Variants in DHRSX observed in about 807,000 individuals in gnomAD.
DHRSX encodes the protein dehydrogenase/reductase X-linked, also known as polyprenol dehydrogenase.
In DHRSX, 31 loss-of-function variants were observed where a neutral mutation model predicts 34.0. The observed-to-expected ratio is 0.91, with a 90% confidence interval of 0.69 to 1.23. DHRSX has a LOEUF of 1.23. Ranked by LOEUF, DHRSX falls within the 50% of genes most tolerant of loss-of-function variation. The pLI, the probability that DHRSX is intolerant of heterozygous loss-of-function variation, is 0.00. For synonymous variants in DHRSX, 201 were observed against 183.8 expected (o/e 1.09, Z -0.76); for missense variants, 414 against 428.1 (o/e 0.97, Z 0.29).
chrX:2,336,874 TAA>T (rs889167166), intron 3 of DHRSX, among the ~76,000 whole-genome samples: 20 of 152,210 alleles, frequency 1.3e-4, no homozygotes, highest in African/African-American at 3.8e-4. Flanking sequence ...TATTTTACTT[TAA>T]GTTGCAAGAT....
chrX:2,497,634 G>A (rs1422210799), intron 1 of DHRSX, among the ~76,000 whole-genome samples: 1 of 152,174 alleles, frequency 6.6e-6, no homozygotes. Flanking sequence ...CCCAGAAAGT[G>A]AAGGAATATT....
rs1225703869 is a variant in DHRSX, at chrX:2,376,718, G to A, written c.286+32027C>T. On this transcript the variant is annotated intron_variant, in intron 3 of 6. Coordinates refer to ENST00000334651, the MANE Select transcript of DHRSX (RefSeq NM_145177.3). ...TATAAGAAAAGGAACATTGGAGGCC[G>A]GGTATAGTGGCTCACGCCTGTCATC... Among the ~76,000 whole-genome samples the A allele has an allele frequency of 2.7e-5, 4 of 149,918 alleles. 2 individuals are homozygous for A. The highest frequency in any genetic ancestry group is 6.0e-5 in the Non-Finnish European group (4 of 66,816).
chrX:2,243,961 G>A (rs1014790216), intron 5 of DHRSX, among the ~76,000 whole-genome samples: 10 of 149,226 alleles, frequency 6.7e-5, no homozygotes, highest in Admixed American at 2.0e-4. Flanking sequence ...AGTGGGAACA[G>A]GGTTTCACCA....
chrX:2,334,609 A>G (rs1036998037), intron 3 of DHRSX: 2 of 152,076 alleles, frequency 1.3e-5, no homozygotes, highest in Non-Finnish European at 2.9e-5. Context: ...ACACACCACC[A>G]TGCCCAGCTA....
chrX:2,251,199 C>G (rs1191153421), intron 5 of DHRSX, among the ~76,000 whole-genome samples: 1 of 152,136 alleles, frequency 6.6e-6, no homozygotes, highest in African/African-American at 2.4e-5. Context: ...GACTTTCCTC[C>G]CCATCTAATT....
chrX:2,326,351 C>G (rs1337080409), intron 3 of DHRSX, among the ~76,000 whole-genome samples: 1 of 151,992 alleles, frequency 6.6e-6, no homozygotes, highest in Non-Finnish European at 1.5e-5. Context: ...AGTGAAACCC[C>G]GTCTCTACTA....
rs1556457245 is a variant in DHRSX at position 2,298,614 on chromosome X, A to ACACGCACACACACACACACACG, written c.287-7012_287-7011insCGTGTGTGTGTGTGTGTGCGTG. 3.6e-5 allele frequency among the ~76,000 whole-genome samples: 3 copies of ACACGCACACACACACACACACG among 82,956 alleles called. 1 individual carries two copies. The highest frequency in any genetic ancestry group is 1.2e-4 in the African/African-American group (3 of 24,402). The allele number at this position is 82,956 out of a possible 152,430, so 54.4% of individuals were successfully genotyped here. On this transcript the variant is annotated intron_variant, in intron 3 of 6. Transcript: ENST00000334651. ...CAGGCGCGTGTGTACACACACACAC[A>ACACGCACACACACACACACACG]CACACACACACACACACACACACGA... is the stretch of plus-strand genomic sequence containing the variant.
intron 4 of DHRSX, among the ~76,000 whole-genome samples, chrX:2,276,222 G>C (rs755945252): frequency 1.8e-4 from 28 of 152,288 alleles, no homozygotes; most frequent in Non-Finnish European, 8.8e-5. Context: ...TGACTTCTGA[G>C]ATTTTGTTGC....
intron 3 of DHRSX, among the ~76,000 whole-genome samples, chrX:2,353,036 GT>G (rs2042806465): frequency 6.6e-6 from 1 of 152,086 alleles, no homozygotes; most frequent in Admixed American, 6.6e-5. Flanking sequence ...GAGCTCGGGA[GT>G]TTGAGACCAG....
At chrX:2,324,150 C>A (rs1417441579) in intron 3 of DHRSX, among the ~76,000 whole-genome samples, 21 of 152,020 alleles carry the variant, frequency 1.4e-4, no homozygotes, top group Admixed American at 1.3e-3. Context: ...ATTTCTCACA[C>A]ATTTATCTGG....
intron 4 of DHRSX, among the ~76,000 whole-genome samples, chrX:2,283,268 C>T (rs1450000518): frequency 6.6e-6 from 1 of 151,916 alleles, no homozygotes; most frequent in African/African-American, 2.4e-5. Flanking sequence ...CTGCTGCCAA[C>T]ACCAACACTA....
At chrX:2,333,310 T>A (rs1219319111) in intron 3 of DHRSX, among the ~76,000 whole-genome samples, 2 of 152,160 alleles carry the variant, frequency 1.3e-5, no homozygotes, top group African/African-American at 4.8e-5. Flanking sequence ...TTTAAACTTG[T>A]ATGTTAGATT....
chrX:2,396,721 C>T (rs1251445310), intron 3 of DHRSX, among the ~76,000 whole-genome samples: 1 of 151,252 alleles, frequency 6.6e-6, no homozygotes, highest in Non-Finnish European at 1.5e-5. Context: ...TTGATGGCCG[C>T]ATCACTCCAG....
At chrX:2,490,623 T>C (rs752529844) in intron 1 of DHRSX, 5 of 1,613,960 alleles carry the variant, frequency 3.1e-6, no homozygotes, top group Non-Finnish European at 4.2e-6. Context: ...TCGGCGTTGG[T>C]GTCGAAGCCG....
chrX:2,454,904 G>T (rs191674309), intron 1 of DHRSX, among the ~76,000 whole-genome samples: 1 of 151,944 alleles, frequency 6.6e-6, no homozygotes, highest in Non-Finnish European at 1.5e-5. Context: ...CCTGAGGTCC[G>T]GAGTTCAAGA....
chrX:2,340,417 AG>A (rs1464692528), intron 3 of DHRSX, among the ~76,000 whole-genome samples: 1 of 151,946 alleles, frequency 6.6e-6, no homozygotes. Context: ...GTGGCTGTGT[AG>A]TATTCCATGG....
At chrX:2,409,986 C>T (rs1013183173) in intron 2 of DHRSX, among the ~76,000 whole-genome samples, 1 of 152,146 alleles carries the variant, frequency 6.6e-6, no homozygotes, top group African/African-American at 2.4e-5. Context: ...CCCGCCTCGG[C>T]CTCCACAGTG....
intron 3 of DHRSX, among the ~76,000 whole-genome samples, chrX:2,361,244 G>T (rs1408188042): frequency 1.3e-5 from 2 of 151,904 alleles, no homozygotes; most frequent in Non-Finnish European, 2.9e-5. Context: ...CTGAGTAGCT[G>T]GGACTACAGG....
chrX:2,411,846 T>C (rs2043634503), intron 2 of DHRSX, among the ~76,000 whole-genome samples: 1 of 151,926 alleles, frequency 6.6e-6, no homozygotes, highest in Non-Finnish European at 1.5e-5. Flanking sequence ...CAGAAAAAGC[T>C]GGGAGCATCA....
Sources: gnomAD v4.1 joint callset for allele counts (sites outside exome capture counted in the v4.1 genomes callset) on GRCh38, gnomAD v4.1.1 for gene constraint, MANE v1.5 for transcripts, NCBI Gene and HGNC (gene_info 2026-07-23, HGNC 2026-07-21) for gene names.